Variants in ARFGAP2 observed in about 807,000 individuals in gnomAD.
The protein encoded by ARFGAP2 is ADP-ribosylation factor GTPase-activating protein 2.
ARFGAP2 carries 45 observed loss-of-function variants against 71.9 expected under a neutral mutation model. The ratio of observed to expected loss-of-function variants is 0.63; its 90% CI spans 0.49 to 0.80. The LOEUF is 0.80. Ranked by LOEUF, ARFGAP2 falls within the 30% of genes least tolerant of loss-of-function variation. The pLI is 0.00. For missense variants in ARFGAP2, 633 were observed against 673.9 expected (o/e 0.94, Z 0.67); for synonymous variants, 248 against 249.2 (o/e 1.00, Z 0.05).
chr11:47,175,255 CTAT>C lies in ARFGAP2; in HGVS notation c.320_322del (p.Asn107del), dbSNP rs1952755284. 1 of 1,614,148 alleles carries C rather than the reference CTAT, an allele frequency of 6.2e-7. No homozygotes were observed. The highest frequency in any genetic ancestry group is 8.5e-7 in the Non-Finnish European group (1 of 1,180,030). ...CTCCCGGTACATCTGGGCAGCTCGG[CTAT>C]TATATTTGGTGTTGGCATCATTGGC... On this transcript the variant is annotated inframe_deletion, in exon 4 of 16. Coordinates refer to ENST00000524782, the MANE Select transcript of ARFGAP2 (RefSeq NM_032389.6).
chr11:47,173,552 T>C (rs1952679143), intron 6 of ARFGAP2, 70 bp from the exon 7 acceptor site: 2 of 1,495,432 alleles, frequency 1.3e-6, no homozygotes, highest in South Asian at 1.3e-5. Flanking sequence ...AAAGAAGTGA[T>C]GGGACAAGAA....
At chr11:47,175,702 G>C (rs1272726950) in intron 3 of ARFGAP2, 149 bp downstream of exon 3, 10 of 868,596 alleles carry the variant, frequency 1.2e-5, no homozygotes, top group Non-Finnish European at 1.8e-5. Flanking sequence ...GCTGTGACCA[G>C]TTTCGAAGTT....
At chr11:47,175,961 C>A (rs956686976) in intron 2 of ARFGAP2, 38 bp from the exon 3 acceptor site, 1 of 1,608,592 alleles carries the variant, frequency 6.2e-7, no homozygotes, top group Non-Finnish European at 8.5e-7. Flanking sequence ...CTAGCAGATA[C>A]CAGCAGGATT....
chr11:47,171,478 C>T lies in ARFGAP2; in HGVS notation c.889G>A (p.Gly297Arg), dbSNP rs1329757306. Residue 297 changes from glycine (G) to arginine (R), a missense_variant, in exon 10 of 16, where the codon GGG becomes AGG. By Grantham distance (125) the Gly-to-Arg change is moderately radical. Coordinates refer to ENST00000524782, the MANE Select transcript of ARFGAP2 (RefSeq NM_032389.6). ...CTTTCTGCCTGCTCTCGCTTCTTCC[C>T]TTCCAGATTCTGTAGCTTCTTTTCC... The part of the protein sequence containing the change: ...KEEKKLQNLE[G>R]KKREQAERLG... 6.2e-7 allele frequency: 1 copy of T among 1,614,250 alleles called. No homozygotes were observed.
In ARFGAP2 at chr11:47,175,317, G is replaced by C. The variant is rs758732000; in HGVS notation, c.265-4C>G. On this transcript the variant is annotated splice_region_variant and splice_polypyrimidine_tract_variant and intron_variant, in intron 3 of 15. Transcript: ENST00000524782. ...CATGTTGGCGAAAAAAAGCCGTCTG[G>C]AGAGCAAAGAAGAGAGCAGCGCGTG... 3.1e-6 allele frequency: 5 copies of C among 1,613,970 alleles called. No homozygotes were observed. In the Admixed American group the frequency reaches 8.3e-5, roughly 27 times the overall value.
intron 2 of ARFGAP2, chr11:47,176,277 G>A (rs1403177583): frequency 6.7e-6 from 4 of 594,266 alleles, no homozygotes; most frequent in South Asian, 6.2e-5. Context: ...CTAACGCTCA[G>A]AGTCTCAAGC....
chr11:47,167,867 AAAAAAAAAAAG>A, intron 12 of ARFGAP2, 31 bp downstream of exon 12: 1 of 1,359,994 alleles, frequency 7.4e-7, no homozygotes, highest in Non-Finnish European at 9.8e-7. Context: ...AGCTTGTTTA[AAAAAAAAAAAG>A]AAAGAAAAAA....
In ARFGAP2 at chr11:47,176,829, C is replaced by T. The variant is rs781032296; in HGVS notation, c.25G>A (p.Glu9Lys). The T allele has an allele frequency of 2.1e-5, 34 of 1,613,862 alleles. No homozygotes were observed. The highest frequency in any genetic ancestry group is 2.6e-5 in the Non-Finnish European group (31 of 1,180,008). The change falls in exon 1 of 16, where the codon GAA becomes AAA. Residue 9 changes from glutamate (E) to lysine (K), a missense_variant. By Grantham distance (56) the Glu-to-Lys change is moderately conservative (BLOSUM62 1). Transcript: ENST00000524782. ...AGCCTCTTAAAAAGAGTCTGGATTT[C>T]GGTCTTGTTCGGCTCCGCCGCCATT... is the stretch of plus-strand genomic sequence containing the variant. Reference protein sequence around the residue: MAAEPNKTEIQTLFKRLRA... With the variant: MAAEPNKTKIQTLFKRLRA...
In ARFGAP2 at chr11:47,166,526, A is replaced by T. The variant is rs1311259043; in HGVS notation, c.1406T>A (p.Met469Lys). Residue 469 changes from methionine to lysine, a missense_variant, in exon 14 of 16, where the codon ATG becomes AAG. Met to Lys is a moderately conservative substitution (Grantham distance 95, BLOSUM62 -1). Transcript: ENST00000524782. ...AISSSDLFGD[M>K]DGAHGAGSVS... ...CCTACCTGCTCCGTGAGCTCCATCC[A>T]TGTCCCCAAAGAGGTCTGAAGAGCT... The T allele has an allele frequency of 6.2e-7, 1 of 1,612,500 alleles. No homozygotes were observed. Among genetic ancestry groups the T allele is most frequent in the African/African-American group, 1.3e-5 (1 of 74,896 alleles).
In ARFGAP2 at chr11:47,166,528, G is replaced by T; in HGVS notation, c.1404C>A (p.Asp468Glu). ...TACCTGCTCCGTGAGCTCCATCCATGTCCCCAAAGAGGTCTGAAGAGCTGA... is the reference window on the plus strand; with the variant it reads ...TACCTGCTCCGTGAGCTCCATCCATTTCCCCAAAGAGGTCTGAAGAGCTGA... ...SAISSSDLFG[D>E]MDGAHGAGSV... Residue 468 changes from aspartate (D) to glutamate (E), a missense_variant, in exon 14 of 16, where the codon GAC becomes GAA. Coordinates refer to ENST00000524782, the MANE Select transcript of ARFGAP2 (RefSeq NM_032389.6). The T allele has an allele frequency of 1.2e-6, 2 of 1,612,642 alleles. No homozygotes were observed. Among genetic ancestry groups the T allele is most frequent in the Non-Finnish European group, 8.5e-7 (1 of 1,180,010 alleles).
intron 15 of ARFGAP2, 149 bp downstream of exon 15, chr11:47,166,119 C>T (rs1021777794): frequency 1.7e-5 from 13 of 759,898 alleles, no homozygotes; most frequent in African/African-American, 6.9e-5. Flanking sequence ...CCATCTCAGC[C>T]TCCCAGTGCT....
rs1234858212 is a variant in ARFGAP2, at chr11:47,165,393, C to T, written c.*89G>A. 1 of 1,493,426 alleles carries T rather than the reference C, an allele frequency of 6.7e-7. No homozygotes were observed. Among genetic ancestry groups the T allele is most frequent in the African/African-American group, 1.4e-5 (1 of 69,822 alleles). The allele number at this position is 1,493,426 out of a possible 1,614,324, so 92.5% of individuals were successfully genotyped here. On this transcript the variant is annotated 3_prime_UTR_variant, in exon 16 of 16. Transcript: ENST00000524782. ...CACATACGAAGTAACAAATCCTCCC[C>T]AGCTTCCACAAGGCAAAGCATCCCC...
chr11:47,175,621 C>G, intron 3 of ARFGAP2: 1 of 628,972 alleles, frequency 1.6e-6, no homozygotes, highest in East Asian at 2.9e-5. Context: ...TGTGAAGGCT[C>G]CCAACTCCTG....
chr11:47,166,158 G>T, intron 15 of ARFGAP2, 110 bp downstream of exon 15: 3 of 1,129,534 alleles, frequency 2.7e-6, no homozygotes, highest in Non-Finnish European at 3.9e-6. Flanking sequence ...CACCACACCC[G>T]GCCGAAAATG....
intron 7 of ARFGAP2, 53 bp from the exon 8 acceptor site, chr11:47,172,386 T>C (rs1952640005): frequency 2.5e-6 from 4 of 1,581,954 alleles, no homozygotes; most frequent in South Asian, 1.1e-5. Context: ...TCAGAGGCAG[T>C]AGCTCAGTAT....
rs371346356 is a variant in ARFGAP2 at position 47,176,507 on chromosome 11, A to C, written c.191+9T>G. The C allele has an allele frequency of 6.2e-7, 1 of 1,612,308 alleles. No homozygotes were observed. The highest frequency in any genetic ancestry group is 8.5e-7 in the Non-Finnish European group (1 of 1,179,424). ...GGGTGGAAACACGGCAACCGCGCGGAGAGCCTACCTGATGAAGCTCAGATG... is the reference window on the plus strand; with the variant it reads ...GGGTGGAAACACGGCAACCGCGCGGCGAGCCTACCTGATGAAGCTCAGATG... On this transcript the variant is annotated intron_variant, in intron 2 of 15. Transcript: ENST00000524782.
chr11:47,165,487 A>G lies in ARFGAP2; in HGVS notation c.1561T>C (p.Tyr521His). Residue 521 changes from tyrosine (Y) to histidine (H), a missense_variant, in exon 16 of 16, where the codon TAC becomes CAC. Transcript: ENST00000524782. ...MNSLQDRYGS[Y>H] ...CCTGAGTCACAGAGCTCGGATCAGT[A>G]GGAACCGTAGCGATCCTGGGGGCGA... 6.4e-7 allele frequency: 1 copy of G among 1,574,260 alleles called. No individual in the cohort carries two copies. The highest frequency in any genetic ancestry group is 1.2e-5 in the South Asian group (1 of 85,928).
At position 47,171,569 on chromosome 11, in the gene ARFGAP2, C is replaced by T; in HGVS notation, c.810-12G>A. On this transcript the variant is annotated splice_polypyrimidine_tract_variant and intron_variant, in intron 9 of 15. Transcript: ENST00000524782. The stretch of plus-strand genomic sequence containing the variant: ...GCATGGAGGCGACCCTTAGGGGGAA[C>T]AAAGGTGTCAGTGGCCACCACCCAT... The T allele has an allele frequency of 6.2e-7, 1 of 1,614,168 alleles. No individual in the cohort carries two copies. The highest frequency in any genetic ancestry group is 8.5e-7 in the Non-Finnish European group (1 of 1,180,008).
In ARFGAP2 at chr11:47,166,817, G is replaced by GA. The variant is rs1371346344; in HGVS notation, c.1274dup (p.Ala426ArgfsTer9). 1.2e-6 allele frequency: 2 copies of GA among 1,613,962 alleles called. No homozygotes were observed. The highest frequency in any genetic ancestry group is 3.3e-5 in the Admixed American group (2 of 60,010). On this transcript the variant is annotated frameshift_variant, in exon 13 of 16. Transcript: ENST00000524782. LOFTEE classifies it high-confidence loss of function. ...CAGATGAGATGGCTTTGGCTCCTGC[G>GA]AATTTCTGACGCGCCTCACTAGACT...
Sources: allele counts gnomAD v4.1 joint callset, GRCh38; gene constraint gnomAD v4.1.1; transcripts MANE v1.5; gene names NCBI Gene and HGNC (gene_info 2026-07-23, HGNC 2026-07-21).